The following LINGO2 variants were observed in gnomAD, a reference collection of about 807,000 sequenced individuals.
LINGO2 encodes the protein leucine rich repeat and Ig domain containing 2.
A neutral mutation model predicts 30.6 loss-of-function variants in LINGO2; 14 were observed. The ratio of observed to expected loss-of-function variants is 0.46; its 90% CI spans 0.30 to 0.72. The LOEUF is 0.72. Among genes scored for constraint, LINGO2 ranks in the 30% least tolerant of loss-of-function variants. LINGO2 has a pLI of 0.07. For missense variants in LINGO2, 729 were observed against 751.7 expected (o/e 0.97, Z 0.35); for synonymous variants, 317 against 288.5 (o/e 1.10, Z -1.00).
chr9:28,493,297 C>G (rs1311679714), intron 1 of LINGO2, among the ~76,000 whole-genome samples: 2 of 152,168 alleles, frequency 1.3e-5, no homozygotes, highest in Non-Finnish European at 2.9e-5. Flanking sequence ...ACGATCATCT[C>G]TCACTGCCAG....
chr9:28,202,433 T>C (rs911627722), intron 4 of LINGO2, among the ~76,000 whole-genome samples: 2 of 152,102 alleles, frequency 1.3e-5, no homozygotes, highest in African/African-American at 2.4e-5. Flanking sequence ...TTACCAGCCA[T>C]ACCTCCCTGA....
At chr9:28,944,174 C>T in the LINGO2 span, among the ~76,000 whole-genome samples, 1 of 152,128 alleles carries the variant, frequency 6.6e-6, no homozygotes, top group Non-Finnish European at 1.5e-5. Flanking sequence ...GCTGGCTCAC[C>T]ACGACATCTC....
At chr9:28,026,101 C>T (rs1380385542) in intron 4 of LINGO2, among the ~76,000 whole-genome samples, 1 of 152,132 alleles carries the variant, frequency 6.6e-6, no homozygotes, top group Non-Finnish European at 1.5e-5. Flanking sequence ...TTTGCTTTTA[C>T]CTAAAACTCC....
Position 28,442,367 on chromosome 9 carries a change from T to C in LINGO2, c.-279+33573A>G, listed in dbSNP as rs74706320. Among the ~76,000 whole-genome samples, 1,211 of 152,180 alleles carry C rather than the reference T, an allele frequency of 8.0e-3. 16 individuals are homozygous for C. The highest frequency in any genetic ancestry group is 0.026 in the African/African-American group (1,079 of 41,536). On this transcript the variant is annotated intron_variant, in intron 2 of 5. Transcript: ENST00000379992. ...GATTGTTTATGCTAAGAGTACATCA[T>C]AATTTTTAACAATAAAGAATGGATT...
intron 5 of LINGO2, among the ~76,000 whole-genome samples, chr9:28,009,330 C>T (rs558067838): frequency 7.5e-5 from 11 of 145,978 alleles, no homozygotes; most frequent in African/African-American, 2.3e-4. Context: ...CTAAGATCTT[C>T]TTACAGTATC....
chr9:29,006,994 A>G, the LINGO2 span, among the ~76,000 whole-genome samples: 5 of 152,094 alleles, frequency 3.3e-5, no homozygotes, highest in Admixed American at 2.0e-4. Context: ...CTGCAACTCT[A>G]TAGCATCTGA....
the LINGO2 span, among the ~76,000 whole-genome samples, chr9:28,872,529 C>A: frequency 6.6e-6 from 1 of 152,094 alleles, no homozygotes; most frequent in Non-Finnish European, 1.5e-5. Flanking sequence ...CACTCTGTTA[C>A]AATTTCTGAA....
chr9:28,999,548 A>G, the LINGO2 span, among the ~76,000 whole-genome samples: 27 of 152,190 alleles, frequency 1.8e-4, no homozygotes, highest in African/African-American at 6.5e-4. Context: ...TTCTTGTAAT[A>G]ACTTCATATT....
chr9:28,731,989 C>A, the LINGO2 span, among the ~76,000 whole-genome samples: 3 of 152,010 alleles, frequency 2.0e-5, no homozygotes, highest in East Asian at 5.8e-4. Context: ...GTAGTATAAC[C>A]ATGATTCTAA....
the LINGO2 span, among the ~76,000 whole-genome samples, chr9:29,055,769 G>A: frequency 1.4e-3 from 215 of 151,786 alleles, 1 homozygote; most frequent in Admixed American, 0.013. Flanking sequence ...TGATGTCTTC[G>A]CGTCCTCATA....
the LINGO2 span, among the ~76,000 whole-genome samples, chr9:28,750,521 T>C: frequency 2.7e-3 from 417 of 152,250 alleles, 7 homozygotes; most frequent in African/African-American, 9.4e-3. Flanking sequence ...ATCCTCAGTC[T>C]GCAAATCTTC....
the LINGO2 span, among the ~76,000 whole-genome samples, chr9:28,762,847 G>A: frequency 2.0e-5 from 3 of 151,942 alleles, no homozygotes; most frequent in Non-Finnish European, 4.4e-5. Context: ...GTGGTGATAT[G>A]AGCCTGGACT....
intron 4 of LINGO2, among the ~76,000 whole-genome samples, chr9:28,163,214 G>T (rs1175950110): frequency 6.6e-6 from 1 of 152,172 alleles, no homozygotes; most frequent in South Asian, 2.1e-4. Context: ...TCCAGAAAAA[G>T]GGGTTAGTTA....
chr9:28,188,193 T>C (rs1321584614), intron 4 of LINGO2, among the ~76,000 whole-genome samples: 1 of 152,232 alleles, frequency 6.6e-6, no homozygotes, highest in Non-Finnish European at 1.5e-5. Flanking sequence ...CAAATGAGTC[T>C]AACTCATAGC....
chr9:29,139,048 A>G, the LINGO2 span, among the ~76,000 whole-genome samples: 1 of 152,130 alleles, frequency 6.6e-6, no homozygotes, highest in Non-Finnish European at 1.5e-5. Flanking sequence ...CACTCATTCA[A>G]TTTAACAAAG....
At chr9:28,719,332 G>GT in the LINGO2 span, among the ~76,000 whole-genome samples, 14 of 151,992 alleles carry the variant, frequency 9.2e-5, no homozygotes, top group African/African-American at 3.4e-4. Flanking sequence ...GGAACTAATT[G>GT]TTTTATCTTT....
At chr9:28,976,528 A>C in the LINGO2 span, among the ~76,000 whole-genome samples, 249 of 152,272 alleles carry the variant, frequency 1.6e-3, no homozygotes, top group Admixed American at 3.3e-3. Context: ...AGACTAAGCA[A>C]TAAAAATTGC....
In LINGO2 at chr9:28,219,468, A is replaced by G. The variant is rs534364464; in HGVS notation, c.-87+75740T>C. Reference sequence around the variant, plus strand: ...ATAATGCCAAGTAAAATTTCATATTATTGCTCTCAAATTGTCAATACATTT... The same window carrying G: ...ATAATGCCAAGTAAAATTTCATATTGTTGCTCTCAAATTGTCAATACATTT... On this transcript the variant is annotated intron_variant, in intron 4 of 5. Transcript: ENST00000379992. 3.3e-5 allele frequency among the ~76,000 whole-genome samples: 5 copies of G among 152,270 alleles called. No individual in the cohort carries two copies. The East Asian group carries it at 9.7e-4, about 29-fold the overall frequency.
the LINGO2 span, among the ~76,000 whole-genome samples, chr9:28,823,759 C>T: frequency 1.3e-5 from 2 of 152,114 alleles, no homozygotes; most frequent in Non-Finnish European, 2.9e-5. Context: ...TGTCAGTGTA[C>T]AAGATGAAGC....
Sources: allele counts gnomAD v4.1 joint callset (sites outside exome capture counted in the v4.1 genomes callset), GRCh38; gene constraint gnomAD v4.1.1; transcripts MANE v1.5; gene names NCBI Gene and HGNC (gene_info 2026-07-23, HGNC 2026-07-21).